The following SND1 variants were observed in gnomAD, a reference collection of about 807,000 sequenced individuals.
The protein encoded by SND1 is staphylococcal nuclease and tudor domain containing 1.
Under a neutral mutation model 121.7 loss-of-function variants are expected in SND1, and 38 were observed. The observed-to-expected ratio is 0.31, with a 90% CI of 0.24 to 0.41. The LOEUF (loss-of-function observed/expected upper bound fraction) is 0.41, where lower values mean the gene tolerates loss of function less well. Among genes scored for constraint, SND1 ranks in the 10% least tolerant of loss-of-function variants. The probability of loss-of-function intolerance (pLI) is 1.00; values close to 1 mark genes in which losing one functional copy is unlikely to be tolerated. For missense variants in SND1, 868 were observed against 1,184.6 expected (o/e 0.73, Z 3.92); for synonymous variants, 401 against 447.4 (o/e 0.90, Z 1.31).
At chr7:128,028,809 T>C (rs1792480057) in intron 16 of SND1, 4 of 1,614,116 alleles carry the variant, frequency 2.5e-6, no homozygotes, top group Middle Eastern at 3.3e-4. Flanking sequence ...ATGTGCTGGT[T>C]TGTAGGTGTT....
At chr7:127,808,881 C>G (rs1584588743) in intron 11 of SND1, among the ~76,000 whole-genome samples, 1 of 152,190 alleles carries the variant, frequency 6.6e-6, no homozygotes, top group African/African-American at 2.4e-5. Flanking sequence ...TTACAGATAG[C>G]CAAGGAATTT....
intron 12 of SND1, among the ~76,000 whole-genome samples, chr7:127,847,001 C>T (rs917546335): frequency 1.3e-5 from 2 of 152,022 alleles, no homozygotes; most frequent in Admixed American, 6.5e-5. Context: ...GGCGCGATGG[C>T]TCATGCCTGT....
At chr7:128,060,494 T>C (rs1044771291) in intron 16 of SND1, among the ~76,000 whole-genome samples, 2 of 152,214 alleles carry the variant, frequency 1.3e-5, no homozygotes, top group African/African-American at 4.8e-5. Context: ...CTGCAGTGTC[T>C]TCACAAGCAC....
chr7:127,828,822 A>C (rs1241554485), intron 11 of SND1, among the ~76,000 whole-genome samples: 1 of 152,222 alleles, frequency 6.6e-6, no homozygotes, highest in Non-Finnish European at 1.5e-5. Context: ...AGACCCAGAG[A>C]CTTTTCTTTA....
At position 127,921,766 on chromosome 7, in the gene SND1, G is replaced by A. The variant is rs570155301; in HGVS notation, c.1528-7422G>A. Among the ~76,000 whole-genome samples the A allele has an allele frequency of 5.3e-5, 8 of 152,226 alleles. No homozygotes were observed. The South Asian group carries it at 1.4e-3, about 28-fold the overall frequency. On this transcript the variant is annotated intron_variant, in intron 14 of 23. Coordinates refer to ENST00000354725, the MANE Select transcript of SND1 (RefSeq NM_014390.4). ...CTTCTAGTCCCTGGCAACCACTCAT[G>A]TTTTTCTGTTTAACTATAGTTTAAC...
At chr7:127,881,057 C>G (rs1479445160) in intron 12 of SND1, among the ~76,000 whole-genome samples, 3 of 152,110 alleles carry the variant, frequency 2.0e-5, no homozygotes, top group Non-Finnish European at 4.4e-5. Flanking sequence ...ATCTATAGTT[C>G]TGAGGGCAGC....
At chr7:127,882,138 C>T (rs1410099231) in intron 12 of SND1, among the ~76,000 whole-genome samples, 5 of 151,988 alleles carry the variant, frequency 3.3e-5, no homozygotes, top group Admixed American at 2.6e-4. Flanking sequence ...GCCTGTAGTC[C>T]TAGCTACTCA....
chr7:127,702,319 A>T, intron 5 of SND1, 116 bp from the exon 6 acceptor site: 5 of 822,970 alleles, frequency 6.1e-6, no homozygotes, highest in Non-Finnish European at 1.0e-5. Context: ...TTTCAGAGGG[A>T]GGCTTTCTCA....
chr7:127,880,240 T>C (rs1340973281), intron 12 of SND1, among the ~76,000 whole-genome samples: 1 of 152,162 alleles, frequency 6.6e-6, no homozygotes, highest in Non-Finnish European at 1.5e-5. Context: ...TGCTTGCATA[T>C]TGTTATAATT....
chr7:127,933,062 G>T (rs1054965359), intron 15 of SND1, among the ~76,000 whole-genome samples: 1 of 152,168 alleles, frequency 6.6e-6, no homozygotes, highest in Non-Finnish European at 1.5e-5. Context: ...GTGAAAAAGA[G>T]AAACAGTATT....
At chr7:127,813,828 G>A (rs1798377661) in intron 11 of SND1, among the ~76,000 whole-genome samples, 1 of 152,194 alleles carries the variant, frequency 6.6e-6, no homozygotes, top group South Asian at 2.1e-4. Flanking sequence ...CTCCCAAAGT[G>A]CTGGGATTAC....
chr7:128,074,467 G>T (rs1793471288), intron 16 of SND1, 35 bp from the exon 17 acceptor site: 1 of 1,578,496 alleles, frequency 6.3e-7, no homozygotes, highest in Non-Finnish European at 8.6e-7. Flanking sequence ...CTCAGGCCTG[G>T]CCCCCACAGG....
intron 10 of SND1, among the ~76,000 whole-genome samples, chr7:127,740,427 C>T (rs1242326175): frequency 6.6e-6 from 1 of 152,130 alleles, no homozygotes; most frequent in African/African-American, 2.4e-5. Flanking sequence ...ATCAGTGTCT[C>T]AACTCCACAA....
chr7:127,671,197 G>C (rs935008906), intron 1 of SND1, among the ~76,000 whole-genome samples: 2 of 152,120 alleles, frequency 1.3e-5, no homozygotes, highest in Admixed American at 6.5e-5. Context: ...CCTTTAGTAT[G>C]TTTAGCATCT....
intron 9 of SND1, chr7:127,718,547 C>T: frequency 1.0e-6 from 1 of 985,220 alleles, no homozygotes; most frequent in Non-Finnish European, 1.2e-6. Flanking sequence ...CCTTGCTTAG[C>T]TGGCAGTGGC....
In SND1 at chr7:127,826,330, A is replaced by G. The variant is rs1224769737; in HGVS notation, c.1243-17994A>G. Among the ~76,000 whole-genome samples, 3 of 150,782 alleles carry G rather than the reference A, an allele frequency of 2.0e-5. No individual in the cohort carries two copies. In the East Asian group the frequency reaches 5.8e-4, roughly 29 times the overall value. On this transcript the variant is annotated intron_variant, in intron 11 of 23. Coordinates refer to ENST00000354725, the MANE Select transcript of SND1 (RefSeq NM_014390.4). ...TATTTAACTGGTGTATGTTCATCTTATTTTTTTTTGAACTATGGTGATGTG... is the reference window on the plus strand; with the variant it reads ...TATTTAACTGGTGTATGTTCATCTTGTTTTTTTTTGAACTATGGTGATGTG...
chr7:128,005,100 A>G (rs1031811031), intron 16 of SND1, among the ~76,000 whole-genome samples: 6 of 152,254 alleles, frequency 3.9e-5, no homozygotes, highest in African/African-American at 1.4e-4. Context: ...CCAGAATTAT[A>G]GTCAGTTGTT....
chr7:128,085,000 A>G, intron 19 of SND1, 153 bp downstream of exon 19: 1 of 749,428 alleles, frequency 1.3e-6, no homozygotes, highest in East Asian at 3.1e-5. Context: ...CATTGCCCAC[A>G]GCCCATCTGG....
intron 1 of SND1, chr7:127,679,349 A>C (rs1795669177): frequency 6.6e-6 from 1 of 152,280 alleles, no homozygotes; most frequent in East Asian, 1.9e-4. Context: ...GCTAGCATCT[A>C]ATCTTCCTGC....
Sources: allele counts gnomAD v4.1 joint callset (sites outside exome capture counted in the v4.1 genomes callset), GRCh38; gene constraint gnomAD v4.1.1; transcripts MANE v1.5; gene names NCBI Gene and HGNC (gene_info 2026-07-23, HGNC 2026-07-21).